The following WWOX variants were observed in gnomAD, a reference collection of about 807,000 sequenced individuals.
WWOX encodes WW domain-containing oxidoreductase.
Under a neutral mutation model 46.2 loss-of-function variants are expected in WWOX, and 69 were observed. The observed-to-expected ratio is 1.49, with a 90% CI of 1.23 to 1.82. The LOEUF (loss-of-function observed/expected upper bound fraction) is 1.82, where lower values mean the gene tolerates loss of function less well. Among genes scored for constraint, WWOX ranks in the 40% most tolerant of loss-of-function variants. The pLI is 0.00. For synonymous variants in WWOX, 359 were observed against 202.6 expected, an observed-to-expected ratio of 1.77 and a Z score of -6.56; for missense variants, 919 against 542.6, an observed-to-expected ratio of 1.69 and a Z score of -6.89.
intron 8 of WWOX, among the ~76,000 whole-genome samples, chr16:78,703,580 C>T (rs1047637104): frequency 6.6e-6 from 1 of 152,068 alleles, no homozygotes; most frequent in African/African-American, 2.4e-5. Flanking sequence ...GGTCTCACCA[C>T]TACACTTCAT....
intron 5 of WWOX, among the ~76,000 whole-genome samples, chr16:78,303,907 AAAGAGCC>A (rs2080088105): frequency 1.3e-5 from 2 of 152,296 alleles, no homozygotes; most frequent in Admixed American, 1.3e-4. Context: ...CCTATTCTGG[AAAGAGCC>A]AAGCCGTCAG....
intron 8 of WWOX, among the ~76,000 whole-genome samples, chr16:78,716,630 C>G (rs2048568300): frequency 6.6e-6 from 1 of 152,010 alleles, no homozygotes; most frequent in Non-Finnish European, 1.5e-5. Flanking sequence ...TCTATAGGTT[C>G]TGTGATAACG....
At chr16:78,853,405 G>C (rs371545914) in intron 8 of WWOX, among the ~76,000 whole-genome samples, 6 of 152,138 alleles carry the variant, frequency 3.9e-5, no homozygotes, top group African/African-American at 1.4e-4. Flanking sequence ...TAGAGACAGG[G>C]TTTTGCCACG....
At chr16:78,366,482 C>T (rs1182674763) in intron 5 of WWOX, among the ~76,000 whole-genome samples, 1 of 152,122 alleles carries the variant, frequency 6.6e-6, no homozygotes. Context: ...TCATTGGAAC[C>T]TGAATGTAGT....
At chr16:78,110,893 C>T (rs146021409) in intron 3 of WWOX, among the ~76,000 whole-genome samples, 107 of 152,196 alleles carry the variant, frequency 7.0e-4, no homozygotes, top group African/African-American at 2.2e-3. Context: ...TCTTGACCAC[C>T]GTAGTTAAGA....
chr16:78,641,460 C>G (rs1371257878), intron 8 of WWOX, among the ~76,000 whole-genome samples: 3 of 152,028 alleles, frequency 2.0e-5, no homozygotes, highest in Non-Finnish European at 2.9e-5. Flanking sequence ...GAGTGGGAAC[C>G]TCTCCCCACC....
At chr16:78,731,023 C>T (rs1035123912) in intron 8 of WWOX, among the ~76,000 whole-genome samples, 32 of 152,036 alleles carry the variant, frequency 2.1e-4, no homozygotes, top group Admixed American at 7.9e-4. Flanking sequence ...TTGATGTTAC[C>T]GTACTATCCA....
At chr16:79,108,607 A>T (rs966082636) in intron 8 of WWOX, among the ~76,000 whole-genome samples, 7 of 152,106 alleles carry the variant, frequency 4.6e-5, no homozygotes, top group Non-Finnish European at 1.0e-4. Context: ...TTGCTTTAAA[A>T]TTTTCCATAG....
At position 78,619,431 on chromosome 16, in the gene WWOX, T is replaced by C. The variant is rs114342128; in HGVS notation, c.1056+186679T>C. ...ACTCCAGGTGTATATCTCAACAAAT[T>C]TGTACACACTGCATGCACATGGGTG... is the stretch of plus-strand genomic sequence containing the variant. On this transcript the variant is annotated intron_variant, in intron 8 of 8. Coordinates refer to ENST00000566780, the MANE Select transcript of WWOX (RefSeq NM_016373.4). Among the ~76,000 whole-genome samples, 1,171 of 146,898 alleles carry C rather than the reference T, an allele frequency of 8.0e-3. 12 individuals carry two copies. Among genetic ancestry groups the C allele is most frequent in the African/African-American group, 0.027 (1,087 of 39,900 alleles).
chr16:78,495,925 A>G (rs537455090), intron 8 of WWOX: 39 of 152,364 alleles, frequency 2.6e-4, no homozygotes, highest in African/African-American at 8.9e-4. Flanking sequence ...AAATTAATAA[A>G]CACATTTATA....
intron 8 of WWOX, among the ~76,000 whole-genome samples, chr16:78,612,302 G>A (rs1162621893): frequency 6.6e-6 from 1 of 152,168 alleles, no homozygotes; most frequent in Non-Finnish European, 1.5e-5. Context: ...ATTTCTAAAG[G>A]AGGTAAAACT....
intron 5 of WWOX, among the ~76,000 whole-genome samples, chr16:78,189,052 C>T (rs1279535714): frequency 3.3e-5 from 5 of 152,134 alleles, no homozygotes; most frequent in Non-Finnish European, 7.4e-5. Context: ...CCCAACCTTC[C>T]TGTTGAAGCT....
intron 8 of WWOX, among the ~76,000 whole-genome samples, chr16:78,675,579 A>G (rs2047577129): frequency 6.6e-6 from 1 of 152,212 alleles, no homozygotes; most frequent in South Asian, 2.1e-4. Flanking sequence ...ATGGCTCCAC[A>G]GAGCAGTGAA....
intron 8 of WWOX, among the ~76,000 whole-genome samples, chr16:79,140,886 C>T (rs1453205540): frequency 6.6e-6 from 1 of 152,152 alleles, no homozygotes; most frequent in Admixed American, 6.5e-5. Flanking sequence ...CTCTGTTCTG[C>T]ATGTCTCTGT....
intron 8 of WWOX, among the ~76,000 whole-genome samples, chr16:78,490,459 A>G (rs1311413802): frequency 6.6e-6 from 1 of 152,146 alleles, no homozygotes; most frequent in Non-Finnish European, 1.5e-5. Flanking sequence ...TCTTGTGATC[A>G]TTGTTGTAGT....
intron 8 of WWOX, among the ~76,000 whole-genome samples, chr16:78,876,555 C>T (rs1034643483): frequency 6.6e-6 from 1 of 151,312 alleles, no homozygotes; most frequent in Non-Finnish European, 1.5e-5. Context: ...CCCCTTTCTT[C>T]TCTCTCCCAG....
chr16:78,858,411 A>G (rs576149183), intron 8 of WWOX, among the ~76,000 whole-genome samples: 8 of 152,124 alleles, frequency 5.3e-5, no homozygotes, highest in East Asian at 1.9e-4. Context: ...ATGGCTGTCC[A>G]TGATATAATT....
chr16:78,950,922 C>G (rs1041597523), intron 8 of WWOX, among the ~76,000 whole-genome samples: 2 of 152,156 alleles, frequency 1.3e-5, no homozygotes, highest in Admixed American at 6.5e-5. Context: ...ATAACATTGT[C>G]CAGATTTTCA....
At chr16:78,775,807 A>C (rs1056564579) in intron 8 of WWOX, among the ~76,000 whole-genome samples, 3 of 152,176 alleles carry the variant, frequency 2.0e-5, no homozygotes, top group African/African-American at 7.2e-5. Flanking sequence ...TTGGCCCACT[A>C]CTTTCGACTG....
Sources: gnomAD v4.1 joint callset for allele counts (sites outside exome capture counted in the v4.1 genomes callset) on GRCh38, gnomAD v4.1.1 for gene constraint, MANE v1.5 for transcripts, NCBI Gene and HGNC (gene_info 2026-07-23, HGNC 2026-07-21) for gene names.